Variants in FBXO34 observed in about 807,000 individuals in gnomAD.
FBXO34 encodes the protein F-box protein 34, also known as F-box only protein 34.
A neutral mutation model predicts 24.5 loss-of-function variants in FBXO34; 12 were observed. The observed-to-expected ratio is 0.49, with a 90% CI of 0.31 to 0.79. The LOEUF is 0.79. Ranked by LOEUF, FBXO34 falls within the 30% of genes least tolerant of loss-of-function variation. The pLI, the probability that FBXO34 is intolerant of heterozygous loss-of-function variation, is 0.04. For synonymous variants in FBXO34, 320 were observed against 311.9 expected (o/e 1.03, Z -0.27); for missense variants, 823 against 857.7 (o/e 0.96, Z 0.51).
intron 1 of FBXO34, among the ~76,000 whole-genome samples, chr14:55,311,190 T>A (rs1459204774): frequency 1.3e-5 from 2 of 152,188 alleles, no homozygotes; most frequent in Non-Finnish European, 2.9e-5. Context: ...TTCTTCACAA[T>A]GTGGCAGGAG....
the FBXO34 span, among the ~76,000 whole-genome samples, chr14:55,420,015 C>T: frequency 5.6e-4 from 85 of 152,284 alleles, no homozygotes; most frequent in Middle Eastern, 3.4e-3. Context: ...GAAAGGAGAC[C>T]GCCTTGGTTC....
At chr14:55,284,223 C>T (rs975778893) in intron 1 of FBXO34, among the ~76,000 whole-genome samples, 1 of 152,080 alleles carries the variant, frequency 6.6e-6, no homozygotes. Flanking sequence ...TTAAAAATTA[C>T]AGTATATGGG....
the FBXO34 span, among the ~76,000 whole-genome samples, chr14:55,378,315 C>A: frequency 0.016 from 2,503 of 152,310 alleles, 39 homozygotes; most frequent in South Asian, 0.037. Flanking sequence ...GACATTTATT[C>A]TACACAAATA....
chr14:55,371,046 C>T (rs1884805899), downstream of FBXO34, among the ~76,000 whole-genome samples: 1 of 152,206 alleles, frequency 6.6e-6, no homozygotes, highest in Non-Finnish European at 1.5e-5. Context: ...CACCCACTGC[C>T]TTCCAGGGAA....
chr14:55,339,378 G>GACCCCCCCCCC (rs1555339069), intron 1 of FBXO34: 1 of 113,168 alleles, frequency 8.8e-6, no homozygotes, highest in Non-Finnish European at 1.8e-5. Flanking sequence ...TTAATCACCT[G>GACCCCCCCCCC]CCCCCCCCCC....
intron 1 of FBXO34, among the ~76,000 whole-genome samples, chr14:55,349,996 C>A (rs1481567067): frequency 1.3e-5 from 2 of 152,088 alleles, no homozygotes; most frequent in South Asian, 2.1e-4. Flanking sequence ...TAGTAGGGAT[C>A]TTGGAGGAGT....
downstream of FBXO34, among the ~76,000 whole-genome samples, chr14:55,365,971 G>A (rs528870304): frequency 2.5e-3 from 381 of 152,238 alleles, no homozygotes; most frequent in Non-Finnish European, 4.3e-3. Context: ...GTTGGGTTGG[G>A]GAGGGATTCT....
the FBXO34 span, among the ~76,000 whole-genome samples, chr14:55,437,471 C>A: frequency 6.6e-6 from 1 of 152,170 alleles, no homozygotes; most frequent in Non-Finnish European, 1.5e-5. Flanking sequence ...GAGCGAGACT[C>A]CATCTAAAAA....
chr14:55,418,867 T>G, the FBXO34 span, among the ~76,000 whole-genome samples: 2 of 152,310 alleles, frequency 1.3e-5, no homozygotes, highest in East Asian at 3.9e-4. Flanking sequence ...AGCTCAACAG[T>G]GCCAGGCACT....
Position 55,352,478 on chromosome 14 carries a change from G to A in FBXO34, c.2088G>A (p.Arg696=), listed in dbSNP as rs1256671042. 6.2e-7 allele frequency: 1 copy of A among 1,613,552 alleles called. No homozygotes were observed. Among genetic ancestry groups the A allele is most frequent in the Admixed American group, 1.7e-5 (1 of 59,970 alleles). The change falls in exon 2 of 2, where the codon CGG becomes CGA. Residue 696 remains arginine (R), a synonymous_variant. Coordinates refer to ENST00000313833, the MANE Select transcript of FBXO34 (RefSeq NM_017943.4). ...TTCCTGCCTGCCACAGCTTTAATCG[G>A]GCAATCCATAAGAAAGCAAAAGGGA... ...HWVPACHSFN[R]AIHKKAKGTE...
At chr14:55,349,989 T>G (rs1884291066) in intron 1 of FBXO34, among the ~76,000 whole-genome samples, 1 of 152,128 alleles carries the variant, frequency 6.6e-6, no homozygotes, top group Admixed American at 6.5e-5. Context: ...AAAAATCTAG[T>G]AGGGATCTTG....
intron 1 of FBXO34, among the ~76,000 whole-genome samples, chr14:55,278,096 A>G (rs1287289271): frequency 6.6e-6 from 1 of 152,038 alleles, no homozygotes; most frequent in Admixed American, 6.6e-5. Context: ...TTCCTTGGGT[A>G]GGACTGTTGT....
intron 1 of FBXO34, among the ~76,000 whole-genome samples, chr14:55,342,890 A>G (rs765097450): frequency 1.3e-5 from 2 of 152,228 alleles, no homozygotes; most frequent in Non-Finnish European, 2.9e-5. Context: ...GGTTTTCGAT[A>G]TATCATCCTT....
the FBXO34 span, chr14:55,397,332 G>C: frequency 3.9e-6 from 6 of 1,545,172 alleles, no homozygotes; most frequent in African/African-American, 6.8e-5. Context: ...ATGTTGACTA[G>C]ATCACCTCCA....
At position 55,350,378 on chromosome 14, in the gene FBXO34, T is replaced by C. The variant is rs1444922489; in HGVS notation, c.-10-3T>C. On this transcript the variant is annotated splice_polypyrimidine_tract_variant and splice_region_variant and intron_variant, in intron 1 of 1. Transcript: ENST00000313833. ...GAATCAAATGTGTATTTCTTTCCTA[T>C]AGGGGCTTTGTTATGCACCTAAAGC... The C allele has an allele frequency of 6.6e-7, 1 of 1,515,398 alleles. No individual in the cohort carries two copies. The allele number at this position is 1,515,398 out of a possible 1,614,324, so 93.9% of individuals were successfully genotyped here.
chr14:55,402,060 A>G, the FBXO34 span, among the ~76,000 whole-genome samples: 2 of 152,150 alleles, frequency 1.3e-5, no homozygotes, highest in African/African-American at 4.8e-5. Flanking sequence ...GACAATTCAC[A>G]TAAATCTGCC....
At chr14:55,331,691 A>G (rs1158112346) in intron 1 of FBXO34, among the ~76,000 whole-genome samples, 1 of 66,746 alleles carries the variant, frequency 1.5e-5, no homozygotes, top group South Asian at 4.0e-4. Flanking sequence ...ATATGTGTAT[A>G]TATATATATA....
intron 2 of FBXO34, chr14:55,367,080 C>G (rs1884695680): frequency 6.6e-6 from 1 of 152,570 alleles, no homozygotes; most frequent in Admixed American, 6.5e-5. Context: ...CATAAAGTTC[C>G]CACATCTTTG....
chr14:55,432,145 C>A, the FBXO34 span, among the ~76,000 whole-genome samples: 1 of 151,696 alleles, frequency 6.6e-6, no homozygotes, highest in African/African-American at 2.4e-5. Flanking sequence ...TAGTAGCTCA[C>A]GCCTGTAATC....
Sources: allele counts gnomAD v4.1 joint callset (sites outside exome capture counted in the v4.1 genomes callset), GRCh38; gene constraint gnomAD v4.1.1; transcripts MANE v1.5; gene names NCBI Gene and HGNC (gene_info 2026-07-23, HGNC 2026-07-21).